Variants in SLC35F1 observed in about 807,000 individuals in gnomAD.
SLC35F1 encodes chromosome 6 open reading frame 169.
In SLC35F1, 14 loss-of-function variants were observed where a neutral mutation model predicts 48.7. That is an observed-to-expected ratio of 0.29 (90% confidence interval 0.19 to 0.45). SLC35F1 has a LOEUF of 0.45. Ranked by LOEUF, SLC35F1 falls within the 20% of genes least tolerant of loss-of-function variation. SLC35F1 has a pLI of 1.00. For synonymous variants in SLC35F1, 190 were observed against 202.2 expected, an observed-to-expected ratio of 0.94 and a Z score of 0.51; for missense variants, 404 against 500.0, an observed-to-expected ratio of 0.81 and a Z score of 1.83.
intron 2 of SLC35F1, among the ~76,000 whole-genome samples, chr6:118,218,840 C>T (rs1269826679): frequency 6.6e-6 from 1 of 152,138 alleles, no homozygotes; most frequent in Non-Finnish European, 1.5e-5. Context: ...TACAAGCCAC[C>T]TGCTATGCCT....
At chr6:118,112,182 G>A (rs926489207) in intron 1 of SLC35F1, among the ~76,000 whole-genome samples, 2 of 150,566 alleles carry the variant, frequency 1.3e-5, no homozygotes, top group Non-Finnish European at 2.9e-5. Flanking sequence ...AGGCTGGAGT[G>A]CAGTGGCACG....
intron 1 of SLC35F1, among the ~76,000 whole-genome samples, chr6:118,018,229 G>A (rs895943348): frequency 5.9e-5 from 9 of 151,988 alleles, no homozygotes; most frequent in Admixed American, 4.6e-4. Flanking sequence ...AAATTAGCAG[G>A]GCGCAGTGGC....
rs140206912 is a variant in SLC35F1 at position 118,019,329 on chromosome 6, A to T, written c.173+111430A>T. Reference sequence around the variant, plus strand: ...AATGAAGCATGTTTATGGTGTGGCCATTTGAATGCATCTTCTATGTAAGTG... The same window carrying T: ...AATGAAGCATGTTTATGGTGTGGCCTTTTGAATGCATCTTCTATGTAAGTG... On this transcript the variant is annotated intron_variant, in intron 1 of 7. Transcript: ENST00000360388. 2.6e-5 allele frequency among the ~76,000 whole-genome samples: 4 copies of T among 152,282 alleles called. No homozygotes were observed. In the East Asian group the frequency reaches 7.7e-4, roughly 29 times the overall value.
chr6:118,310,947 T>C (rs1776365411), intron 7 of SLC35F1, among the ~76,000 whole-genome samples: 2 of 152,282 alleles, frequency 1.3e-5, no homozygotes, highest in Middle Eastern at 3.4e-3. Flanking sequence ...ATTGATCAAG[T>C]CTAAAATCAT....
chr6:117,917,073 G>A (rs1174237953), intron 1 of SLC35F1, among the ~76,000 whole-genome samples: 1 of 152,202 alleles, frequency 6.6e-6, no homozygotes, highest in Non-Finnish European at 1.5e-5. Flanking sequence ...GAGGGAACAG[G>A]TGGTACTTCA....
intron 7 of SLC35F1, among the ~76,000 whole-genome samples, chr6:118,299,020 A>G (rs1053846972): frequency 4.6e-5 from 7 of 151,984 alleles, no homozygotes; most frequent in African/African-American, 1.7e-4. Flanking sequence ...ACAAACATAT[A>G]TATTTTTTAA....
At position 117,941,671 on chromosome 6, in the gene SLC35F1, A is replaced by T. The variant is rs575467884; in HGVS notation, c.173+33772A>T. Among the ~76,000 whole-genome samples the T allele has an allele frequency of 1.2e-4, 18 of 152,346 alleles. No individual in the cohort carries two copies. The East Asian group carries it at 3.5e-3, about 29-fold the overall frequency. The stretch of plus-strand genomic sequence containing the variant: ...GATTTGGTTACTAATATTGCAATAG[A>T]TTAGTTTTCAGTTAAGAAACAAATT... On this transcript the variant is annotated intron_variant, in intron 1 of 7. Transcript: ENST00000360388.
chr6:118,005,483 A>G (rs970212135), intron 1 of SLC35F1, among the ~76,000 whole-genome samples: 5 of 152,066 alleles, frequency 3.3e-5, no homozygotes, highest in African/African-American at 9.7e-5. Context: ...GTGACTCTAG[A>G]CATTCCCTAT....
At chr6:118,312,134 G>A (rs549120532) in intron 7 of SLC35F1, among the ~76,000 whole-genome samples, 9 of 152,286 alleles carry the variant, frequency 5.9e-5, no homozygotes, top group Non-Finnish European at 8.8e-5. Context: ...ACTATAAAGC[G>A]CTCATTCTTC....
chr6:118,061,849 T>C lies in SLC35F1; in HGVS notation c.174-92596T>C, dbSNP rs988116687. Among the ~76,000 whole-genome samples the C allele has an allele frequency of 3.9e-5, 6 of 152,062 alleles. No individual in the cohort carries two copies. In the South Asian group the frequency reaches 1.0e-3, roughly 26 times the overall value. ...GATCCTTCGCATGCGCAGTTCACAA[T>C]AGAGTCTGCACTCCTACGAGAATCT... is the stretch of plus-strand genomic sequence containing the variant. On this transcript the variant is annotated intron_variant, in intron 1 of 7. Transcript: ENST00000360388.
At position 118,001,309 on chromosome 6, in the gene SLC35F1, A is replaced by G. The variant is rs530878582; in HGVS notation, c.173+93410A>G. Among the ~76,000 whole-genome samples the G allele has an allele frequency of 2.6e-4, 40 of 152,314 alleles. 1 individual carries two copies. The South Asian group carries it at 8.1e-3, about 31-fold the overall frequency. ...GAAATAACGCCACATATCTACAACT[A>G]TCTGATCTTTGACAAACCTGACAAA... On this transcript the variant is annotated intron_variant, in intron 1 of 7. Coordinates refer to ENST00000360388, the MANE Select transcript of SLC35F1 (RefSeq NM_001029858.4).
chr6:118,264,622 T>C (rs949428996), intron 3 of SLC35F1, among the ~76,000 whole-genome samples: 5 of 152,226 alleles, frequency 3.3e-5, no homozygotes, highest in Non-Finnish European at 5.9e-5. Flanking sequence ...GATTGGACCA[T>C]GGCCTAGCTT....
At chr6:118,016,245 G>T (rs1193989998) in intron 1 of SLC35F1, among the ~76,000 whole-genome samples, 2 of 152,118 alleles carry the variant, frequency 1.3e-5, no homozygotes, top group Non-Finnish European at 2.9e-5. Flanking sequence ...TTCTCCTCTA[G>T]AATGTTTCTA....
intron 2 of SLC35F1, among the ~76,000 whole-genome samples, chr6:118,210,925 G>A (rs560124578): frequency 6.6e-5 from 10 of 152,228 alleles, no homozygotes; most frequent in Admixed American, 1.3e-4. Context: ...CTAACACCTC[G>A]TATCTCAGAA....
At chr6:118,062,353 CTTTT>C (rs1772553269) in intron 1 of SLC35F1, among the ~76,000 whole-genome samples, 2 of 151,848 alleles carry the variant, frequency 1.3e-5, no homozygotes, top group Admixed American at 1.3e-4. Flanking sequence ...CAAATTATTT[CTTTT>C]TTATTTGATT....
intron 1 of SLC35F1, among the ~76,000 whole-genome samples, chr6:118,004,873 C>T (rs1299979266): frequency 1.3e-5 from 2 of 151,692 alleles, no homozygotes; most frequent in Non-Finnish European, 2.9e-5. Context: ...TATTGAGTGT[C>T]TGTTAGGTGC....
chr6:118,200,896 G>A (rs889595574), intron 2 of SLC35F1, among the ~76,000 whole-genome samples: 2 of 151,826 alleles, frequency 1.3e-5, no homozygotes, highest in Non-Finnish European at 2.9e-5. Flanking sequence ...ATTTGGTTTG[G>A]TTTTTTAGAG....
At chr6:117,910,862 C>A (rs541237190) in intron 1 of SLC35F1, among the ~76,000 whole-genome samples, 2 of 152,180 alleles carry the variant, frequency 1.3e-5, no homozygotes, top group African/African-American at 4.8e-5. Context: ...CAAACACATA[C>A]GCTATCTATA....
chr6:118,225,891 A>AAT (rs56929646), intron 2 of SLC35F1, among the ~76,000 whole-genome samples: 1 of 151,426 alleles, frequency 6.6e-6, no homozygotes, highest in Non-Finnish European at 1.5e-5. Flanking sequence ...AAAAAAAAAA[A>AAT]TCTTCACAGC....
Sources: gnomAD v4.1 joint callset for allele counts (sites outside exome capture counted in the v4.1 genomes callset) on GRCh38, gnomAD v4.1.1 for gene constraint, MANE v1.5 for transcripts, NCBI Gene and HGNC (gene_info 2026-07-23, HGNC 2026-07-21) for gene names.